Variants in SPRED2 observed in about 807,000 individuals in gnomAD.
The protein encoded by SPRED2 is sprouty-related, EVH1 domain-containing protein 2.
SPRED2 carries 47 observed loss-of-function variants against 43.0 expected under a neutral mutation model. The ratio of observed to expected loss-of-function variants is 1.09; its 90% CI spans 0.87 to 1.40. SPRED2 has a LOEUF of 1.40. Ranked by LOEUF, SPRED2 falls within the 40% of genes most tolerant of loss-of-function variation. The pLI, the probability that SPRED2 is intolerant of heterozygous loss-of-function variation, is 0.00. For missense variants in SPRED2, 561 were observed against 586.4 expected (o/e 0.96, Z 0.45); for synonymous variants, 225 against 225.7 (o/e 1.00, Z 0.03).
intron 1 of SPRED2, among the ~76,000 whole-genome samples, chr2:65,419,202 G>A (rs1158188605): frequency 6.6e-6 from 1 of 152,106 alleles, no homozygotes; most frequent in Non-Finnish European, 1.5e-5. Context: ...TTCCACTTGT[G>A]TACCACACAG....
intron 1 of SPRED2, among the ~76,000 whole-genome samples, chr2:65,362,212 T>C (rs768670356): frequency 2.0e-5 from 3 of 152,202 alleles, no homozygotes; most frequent in Non-Finnish European, 4.4e-5. Flanking sequence ...CTAAGAGGGC[T>C]GAAGTGCCAG....
At chr2:65,349,627 G>C (rs988102409) in intron 1 of SPRED2, among the ~76,000 whole-genome samples, 2 of 152,212 alleles carry the variant, frequency 1.3e-5, no homozygotes, top group Non-Finnish European at 2.9e-5. Context: ...TCTTTGAGGG[G>C]ATTAAGTAAA....
chr2:65,370,738 G>A (rs754780709), intron 1 of SPRED2, among the ~76,000 whole-genome samples: 40 of 152,072 alleles, frequency 2.6e-4, no homozygotes, highest in Non-Finnish European at 5.1e-4. Context: ...GCGGTAGGAG[G>A]GGAAATCTAC....
At chr2:65,402,987 A>C (rs1675940356) in intron 1 of SPRED2, among the ~76,000 whole-genome samples, 1 of 152,242 alleles carries the variant, frequency 6.6e-6, no homozygotes, top group Non-Finnish European at 1.5e-5. Context: ...CTTCTGCCAA[A>C]GAATTTATCG....
rs1360350056 is a variant in SPRED2, at chr2:65,344,815, G to T, written c.108C>A (p.Gly36=). The T allele has an allele frequency of 1.9e-6, 3 of 1,613,946 alleles. No individual in the cohort carries two copies. The East Asian group carries it at 6.7e-5, about 36-fold the overall frequency. The change falls in exon 2 of 6, where the codon GGC becomes GGA. Residue 36 remains glycine, a synonymous_variant. Coordinates refer to ENST00000356388, the MANE Select transcript of SPRED2 (RefSeq NM_181784.3). ...SSGGWFPQEG[G]GISRVGVCKV... ...TACAGACCCCGACGCGACTGATCCC[G>T]CCTCCTTCCTGTGGGAACCATCCCC...
At chr2:65,388,087 C>T (rs72621551) in intron 1 of SPRED2, among the ~76,000 whole-genome samples, 40,964 of 152,154 alleles carry the variant, frequency 0.27, 6,890 homozygotes, top group East Asian at 0.69. Flanking sequence ...CCACGCCCAG[C>T]GGAGAACGAA....
At chr2:65,332,538 T>C (rs1289760712) in intron 3 of SPRED2, among the ~76,000 whole-genome samples, 2 of 152,236 alleles carry the variant, frequency 1.3e-5, no homozygotes, top group African/African-American at 2.4e-5. Flanking sequence ...GCTCAATAGC[T>C]TGTATGGTTG....
intron 1 of SPRED2, among the ~76,000 whole-genome samples, chr2:65,408,547 G>A (rs555156551): frequency 1.3e-5 from 2 of 151,598 alleles, no homozygotes; most frequent in Non-Finnish European, 2.9e-5. Context: ...AATCCCAGTC[G>A]CCAGCCACAG....
chr2:65,410,385 A>G (rs139397358), intron 1 of SPRED2, among the ~76,000 whole-genome samples: 1 of 152,192 alleles, frequency 6.6e-6, no homozygotes, highest in African/African-American at 2.4e-5. Flanking sequence ...ATGGCATCTG[A>G]TTATACCTCT....
At chr2:65,392,378 G>A (rs1358700062) in intron 1 of SPRED2, among the ~76,000 whole-genome samples, 1 of 151,704 alleles carries the variant, frequency 6.6e-6, no homozygotes, top group Non-Finnish European at 1.5e-5. Context: ...GTATCATTAT[G>A]TTGCCCAGGC....
Position 65,313,139 on chromosome 2 carries a change from C to T in SPRED2, c.*362G>A. 1 of 1,015,778 alleles carries T rather than the reference C, an allele frequency of 9.8e-7. No individual in the cohort carries two copies. Among genetic ancestry groups the T allele is most frequent in the Non-Finnish European group, 1.2e-6 (1 of 850,494 alleles). 62.9% of individuals were successfully genotyped at this position (1,015,778 alleles called of 1,614,324 possible). A position where few individuals can be genotyped will look rare whatever the true frequency, so the allele number is the denominator to read the frequency against. On this transcript the variant is annotated 3_prime_UTR_variant, in exon 6 of 6. Transcript: ENST00000356388. Reference sequence around the variant, plus strand: ...CACCGAAAATCAGCAGTTCCAATTGCAGACTCCTTTGAACTGGAAGAGGCG... The same window carrying T: ...CACCGAAAATCAGCAGTTCCAATTGTAGACTCCTTTGAACTGGAAGAGGCG...
intron 2 of SPRED2, 177 bp downstream of exon 2, chr2:65,344,542 G>A: frequency 1.3e-6 from 1 of 784,696 alleles, no homozygotes; most frequent in East Asian, 2.7e-5. Flanking sequence ...TTGCTGGAAA[G>A]GACAGTCACG....
At chr2:65,357,015 A>AACCTG (rs1377287538) in intron 1 of SPRED2, among the ~76,000 whole-genome samples, 1 of 152,004 alleles carries the variant, frequency 6.6e-6, no homozygotes, top group Non-Finnish European at 1.5e-5. Flanking sequence ...CAAAACAAAA[A>AACCTG]ACCTGCTCTC....
At chr2:65,397,106 G>A (rs1675775721) in intron 1 of SPRED2, among the ~76,000 whole-genome samples, 1 of 152,042 alleles carries the variant, frequency 6.6e-6, no homozygotes, top group East Asian at 1.9e-4. Context: ...ATCAGAAAAG[G>A]GAAAAGGAAA....
chr2:65,337,337 G>A (rs1474543872), intron 2 of SPRED2, among the ~76,000 whole-genome samples: 1 of 151,890 alleles, frequency 6.6e-6, no homozygotes. Context: ...ACTTGAGAAA[G>A]GCTTTAAAAA....
At chr2:65,354,812 C>G (rs752027496) in intron 1 of SPRED2, among the ~76,000 whole-genome samples, 3 of 152,128 alleles carry the variant, frequency 2.0e-5, no homozygotes, top group Non-Finnish European at 2.9e-5. Context: ...ACATGGGCAA[C>G]GAAGTGTTCG....
intron 4 of SPRED2, 84 bp downstream of exon 4, chr2:65,331,903 A>C: frequency 2.9e-6 from 3 of 1,034,004 alleles, no homozygotes; most frequent in Non-Finnish European, 4.4e-6. Flanking sequence ...ACTGCATTGC[A>C]AAGTGTGCCT....
intron 1 of SPRED2, among the ~76,000 whole-genome samples, chr2:65,424,308 C>A (rs1676506861): frequency 6.6e-6 from 1 of 151,668 alleles, no homozygotes; most frequent in Admixed American, 6.6e-5. Context: ...ATATAGGTAT[C>A]CAAAAAAGAT....
intron 3 of SPRED2, 70 bp downstream of exon 3, chr2:65,334,535 A>G (rs1673906479): frequency 2.6e-6 from 4 of 1,557,574 alleles, no homozygotes; most frequent in African/African-American, 2.7e-5. Context: ...ATGATGGCAG[A>G]CTATTGGAAT....
Sources: allele counts gnomAD v4.1 joint callset (sites outside exome capture counted in the v4.1 genomes callset), GRCh38; gene constraint gnomAD v4.1.1; transcripts MANE v1.5; gene names NCBI Gene and HGNC (gene_info 2026-07-23, HGNC 2026-07-21).